Variants in SUPT16H observed in about 807,000 individuals in gnomAD.
SUPT16H encodes SPT16 homolog, facilitates chromatin remodeling subunit.
SUPT16H carries 24 observed loss-of-function variants against 136.2 expected under a neutral mutation model. The ratio of observed to expected loss-of-function variants is 0.18; its 90% CI spans 0.13 to 0.25. The LOEUF is 0.25. Among genes scored for constraint, SUPT16H ranks in the 10% least tolerant of loss-of-function variants. The pLI, the probability that SUPT16H is intolerant of heterozygous loss-of-function variation, is 1.00. For missense variants in SUPT16H, 623 were observed against 1,270.2 expected, an observed-to-expected ratio of 0.49 and a Z score of 7.74; for synonymous variants, 415 against 428.2, an observed-to-expected ratio of 0.97 and a Z score of 0.38.
chr14:21,354,363 A>T (rs1886383272), intron 23 of SUPT16H, 48 bp downstream of exon 23: 1 of 1,603,530 alleles, frequency 6.2e-7, no homozygotes, highest in Non-Finnish European at 8.5e-7. Flanking sequence ...TGACCAAATG[A>T]TAGCGGGCAA....
chr14:21,365,098 A>G lies in SUPT16H; in HGVS notation c.1092T>C (p.Asn364=), dbSNP rs1474684995. Residue 364 remains asparagine (N), a synonymous_variant, in exon 9 of 26, where the codon AAT becomes AAC. Coordinates refer to ENST00000216297, the MANE Select transcript of SUPT16H (RefSeq NM_007192.4). ...TCTTCAGTTTGTATTGATTTTTGCT[A>G]TTGATTACTAGGGAGCCTTCACGGA... ...IEFREGSLVI[N]SKNQYKLKKG... 5 of 1,613,740 alleles carry G rather than the reference A, an allele frequency of 3.1e-6. No homozygotes were observed. The highest frequency in any genetic ancestry group is 1.1e-5 in the South Asian group (1 of 91,046).
chr14:21,382,642 G>A (rs1887054622), intron 1 of SUPT16H, among the ~76,000 whole-genome samples: 1 of 149,946 alleles, frequency 6.7e-6, no homozygotes, highest in Admixed American at 6.7e-5. Context: ...GTTTTAAAAT[G>A]TTTTTCTAAC....
chr14:21,361,462 A>C, intron 15 of SUPT16H: 1 of 518,628 alleles, frequency 1.9e-6, no homozygotes, highest in East Asian at 3.9e-5. Context: ...GATTACAGGT[A>C]CACACCACCA....
chr14:21,362,971 T>G, intron 13 of SUPT16H, 24 bp from the exon 14 acceptor site: 1 of 1,613,054 alleles, frequency 6.2e-7, no homozygotes, highest in South Asian at 1.1e-5. Flanking sequence ...AAAAAACAAC[T>G]GAGAAATTTC....
intron 1 of SUPT16H, among the ~76,000 whole-genome samples, chr14:21,373,727 A>T (rs902986397): frequency 1.3e-5 from 2 of 152,102 alleles, no homozygotes; most frequent in African/African-American, 2.4e-5. Flanking sequence ...ATTTTTTAAA[A>T]TTTTATTACT....
chr14:21,360,677 T>C, intron 17 of SUPT16H, 144 bp from the exon 18 acceptor site: 2 of 1,223,712 alleles, frequency 1.6e-6, no homozygotes, highest in Non-Finnish European at 2.3e-6. Flanking sequence ...CACACAGCAG[T>C]GTAAGTAGAT....
At chr14:21,364,965 CT>C in intron 9 of SUPT16H, 26 bp from the exon 10 acceptor site, 2 of 1,612,190 alleles carry the variant, frequency 1.2e-6, no homozygotes, top group Non-Finnish European at 1.7e-6. Flanking sequence ...AAGGATCAGT[CT>C]GTGGCTGTGA....
At chr14:21,358,744 G>C (rs111724186) in intron 19 of SUPT16H, among the ~76,000 whole-genome samples, 65 of 152,282 alleles carry the variant, frequency 4.3e-4, no homozygotes, top group African/African-American at 1.5e-3. Context: ...CTAAACTCTT[G>C]TAATACCCTA....
At chr14:21,363,785 T>C (rs1374832457) in intron 10 of SUPT16H, among the ~76,000 whole-genome samples, 4 of 152,118 alleles carry the variant, frequency 2.6e-5, no homozygotes, top group Non-Finnish European at 5.9e-5. Context: ...TTCAAGTGAT[T>C]CTCCTGCCTC....
rs560749506 is a variant in SUPT16H, at chr14:21,353,550, G to A, written c.2936C>T (p.Ser979Leu). ...TCCACTCTCTTCTTCACTACCCAAT[G>A]ACTCCTTAGAATAGTCTGGAAGAAA... ...EAEESDYSKE[S>L]LGSEEESGKD... Residue 979 changes from serine to leucine, a missense_variant, in exon 25 of 26, where the codon TCA (serine) becomes TTA (leucine). Around this residue, in one of 7 missense-constraint regions of SUPT16H, gnomAD observed 88 missense variants for 135.5 expected, o/e 0.65. Coordinates refer to ENST00000216297, the MANE Select transcript of SUPT16H (RefSeq NM_007192.4). The A allele has an allele frequency of 6.2e-7, 1 of 1,614,046 alleles. No individual in the cohort carries two copies. The highest frequency in any genetic ancestry group is 2.2e-5 in the East Asian group (1 of 44,874).
intron 1 of SUPT16H, among the ~76,000 whole-genome samples, chr14:21,379,717 T>C (rs756997917): frequency 7.3e-5 from 11 of 151,470 alleles, no homozygotes; most frequent in African/African-American, 9.7e-5. Context: ...TAAATAACAA[T>C]AATAATAATA....
intron 1 of SUPT16H, chr14:21,383,608 G>A (rs376697884): frequency 8.5e-6 from 6 of 702,674 alleles, no homozygotes; most frequent in South Asian, 1.5e-5. Context: ...GACTGCGAGA[G>A]GTGCTGCTAT....
At chr14:21,369,565 T>C in intron 5 of SUPT16H, 185 bp downstream of exon 5, 1 of 975,608 alleles carries the variant, frequency 1.0e-6, no homozygotes, top group Non-Finnish European at 1.5e-6. Context: ...AGTAAAATAA[T>C]GGGTTACCTC....
chr14:21,375,883 G>C (rs1241685404), intron 1 of SUPT16H, among the ~76,000 whole-genome samples: 1 of 152,214 alleles, frequency 6.6e-6, no homozygotes, highest in Non-Finnish European at 1.5e-5. Context: ...GTGAGCCACT[G>C]TGCCTGGCCT....
intron 3 of SUPT16H, 69 bp from the exon 4 acceptor site, chr14:21,370,557 CAGGT>C (rs1447886056): frequency 6.6e-7 from 1 of 1,509,374 alleles, no homozygotes; most frequent in African/African-American, 1.4e-5. Flanking sequence ...TTACCAGTAA[CAGGT>C]AGAATAATAT....
chr14:21,357,480 T>C (rs1275583219), intron 21 of SUPT16H, 114 bp from the exon 22 acceptor site: 7 of 1,206,692 alleles, frequency 5.8e-6, no homozygotes, highest in African/African-American at 1.6e-5. Context: ...AGCTGTTTTT[T>C]GGTTTTTTTT....
Position 21,357,287 on chromosome 14 carries a change from A to G in SUPT16H, c.2570T>C (p.Met857Thr). ...RVQFHLKNFD[M>T]VIVYKDYSKK... The stretch of plus-strand genomic sequence containing the variant: ...GCTGTAGTCCTTGTAGACGATTACC[A>G]TATCAAAGTTCTTCAGGTGAAACTG... Residue 857 changes from methionine (M) to threonine (T), a missense_variant, in exon 22 of 26, where the codon ATG becomes ACG. Transcript: ENST00000216297. 1 of 1,613,422 alleles carries G rather than the reference A, an allele frequency of 6.2e-7. No homozygotes were observed. Among genetic ancestry groups the G allele is most frequent in the Non-Finnish European group, 8.5e-7 (1 of 1,179,628 alleles).
Position 21,383,992 on chromosome 14 carries a change from T to C in SUPT16H, c.-65A>G. On this transcript the variant is annotated 5_prime_UTR_variant, in exon 1 of 26. Transcript: ENST00000216297. Reference sequence around the variant, plus strand: ...GCGAGGTCCCGGCTCAGCCACCCGCTCTCGGCCCAGGAATCCCGCACTCTC... The same window carrying C: ...GCGAGGTCCCGGCTCAGCCACCCGCCCTCGGCCCAGGAATCCCGCACTCTC... The C allele has an allele frequency of 6.3e-7, 1 of 1,596,232 alleles. No individual in the cohort carries two copies. The highest frequency in any genetic ancestry group is 8.6e-7 in the Non-Finnish European group (1 of 1,165,634).
At chr14:21,375,966 T>C (rs2139417192) in intron 1 of SUPT16H, among the ~76,000 whole-genome samples, 3 of 152,376 alleles carry the variant, frequency 2.0e-5, no homozygotes, top group Middle Eastern at 6.8e-3. Context: ...AGATTTACTT[T>C]ATACTTCTTC....
Sources: gnomAD v4.1 joint callset for allele counts (sites outside exome capture counted in the v4.1 genomes callset) on GRCh38, gnomAD v4.1.1 for gene constraint, gnomAD v4.1.1 regional missense constraint, MANE v1.5 for transcripts, NCBI Gene and HGNC (gene_info 2026-07-23, HGNC 2026-07-21) for gene names.